The following RRAGB variants were observed in gnomAD, a reference collection of about 807,000 sequenced individuals.
RRAGB encodes the protein Ras related GTP binding B, also known as ras-related GTP-binding protein B.
A neutral mutation model predicts 29.3 loss-of-function variants in RRAGB; 6 were observed. That is an observed-to-expected ratio of 0.21 (90% CI 0.11 to 0.40). RRAGB has a LOEUF of 0.40. Ranked by LOEUF, RRAGB falls within the 10% of genes least tolerant of loss-of-function variation. RRAGB has a pLI of 1.00. For synonymous variants in RRAGB, 101 were observed against 92.5 expected (o/e 1.09, Z -0.53); for missense variants, 184 against 272.9 (o/e 0.67, Z 2.29).
intron 7 of RRAGB, chrX:55,755,237 C>T: frequency 2.7e-6 from 2 of 750,410 alleles, no homozygotes; most frequent in Non-Finnish European, 3.1e-6. Context: ...TCCTACTAGA[C>T]ACTCTGCATC....
chrX:55,748,347 A>G (rs79389083), intron 5 of RRAGB, among the ~76,000 whole-genome samples: 55,474 of 105,795 alleles, frequency 0.52, 12,860 homozygotes, highest in East Asian at 0.74. Flanking sequence ...GGATGTGAGG[A>G]GCCCCTCTGC....
chrX:55,738,191 C>T (rs755274988), intron 5 of RRAGB, among the ~76,000 whole-genome samples: 8 of 112,703 alleles, frequency 7.1e-5, no homozygotes, highest in African/African-American at 1.6e-4. Flanking sequence ...CAGCACTCTC[C>T]GCTTAACATT....
At chrX:55,754,547 T>C (rs771146737) in intron 7 of RRAGB, among the ~76,000 whole-genome samples, 62 of 112,332 alleles carry the variant, frequency 5.5e-4, no homozygotes, top group Non-Finnish European at 1.0e-3. Context: ...ATTCTTAATC[T>C]CTAGGGGCTT....
chrX:55,753,448 C>T lies in RRAGB; in HGVS notation c.669C>T (p.Asn223=). The T allele has an allele frequency of 8.3e-7, 1 of 1,202,363 alleles. No homozygotes were observed. ...LIPNVQQLEM[N]LRNFAEIIEA... ...CCAATGTTCAGCAGCTGGAAATGAA[C>T]CTAAGGAATTTTGCTGAAATTATCG... Residue 223 remains asparagine, a synonymous_variant, in exon 7 of 10, where the codon AAC becomes AAT. Transcript: ENST00000374941.
chrX:55,728,364 C>T lies in RRAGB; in HGVS notation c.227-930C>T, dbSNP rs187920674. On this transcript the variant is annotated intron_variant, in intron 3 of 9. Coordinates refer to ENST00000374941, the MANE Select transcript of RRAGB (RefSeq NM_006064.5). The stretch of plus-strand genomic sequence containing the variant: ...ATATGTGGCCAACTTTGCTCATGTA[C>T]GGTTACTGGCCTGGCCCCTGTTAGC... 5.7e-3 allele frequency among the ~76,000 whole-genome samples: 638 copies of T among 111,472 alleles called. 2 individuals carry two copies. The highest frequency in any genetic ancestry group is 0.018 in the Middle Eastern group (4 of 218).
At chrX:55,723,071 A>C (rs2033343851) in intron 3 of RRAGB, among the ~76,000 whole-genome samples, 1 of 111,541 alleles carries the variant, frequency 9.0e-6, no homozygotes, top group South Asian at 3.7e-4. Context: ...AGGAAACCTC[A>C]TTTCTGTTAT....
intron 7 of RRAGB, among the ~76,000 whole-genome samples, chrX:55,754,235 G>GA (rs891850934): frequency 1.6e-4 from 18 of 112,603 alleles, no homozygotes; most frequent in African/African-American, 4.2e-4. Context: ...TCATCTCAGT[G>GA]ACATAGGAGT....
At chrX:55,752,140 C>A in intron 6 of RRAGB, 1 of 558,616 alleles carries the variant, frequency 1.8e-6, no homozygotes, top group Non-Finnish European at 2.2e-6. Context: ...TTATGTTGAC[C>A]CAGCCTCACT....
At chrX:55,721,509 C>T (rs186421332) in intron 2 of RRAGB, among the ~76,000 whole-genome samples, 153 of 111,439 alleles carry the variant, frequency 1.4e-3, no homozygotes, top group African/African-American at 4.9e-3. Flanking sequence ...ACCTCCCAGA[C>T]GGCTGGGAAC....
Position 55,758,459 on chromosome X carries a change from C to G in RRAGB, c.*116C>G. Reference sequence around the variant, plus strand: ...ATTGCTTCTGTATTTCTTCTCTACTCCCTAGTCTTAATGTTTAACCTTGAA... The same window carrying G: ...ATTGCTTCTGTATTTCTTCTCTACTGCCTAGTCTTAATGTTTAACCTTGAA... On this transcript the variant is annotated 3_prime_UTR_variant, in exon 10 of 10. Transcript: ENST00000374941. The G allele has an allele frequency of 2.3e-6, 1 of 442,209 alleles. No individual in the cohort carries two copies. Among genetic ancestry groups the G allele is most frequent in the East Asian group, 4.0e-5 (1 of 25,074 alleles). The allele number at this position is 442,209 out of a possible 1,213,427, so 36.4% of individuals were successfully genotyped here.
At position 55,757,323 on chromosome X, in the gene RRAGB, C is replaced by T; in HGVS notation, c.935C>T (p.Pro312Leu). The change falls in exon 9 of 10, where the codon CCG (proline) becomes CTG (leucine). Residue 312 changes from proline (P) to leucine (L), a missense_variant. Pro to Leu is a moderately conservative substitution (Grantham distance 98, BLOSUM62 -3). Transcript: ENST00000374941. ...NTYVMVVMSDPSIPSAATLIN... is the reference protein window; with the variant it reads ...NTYVMVVMSDLSIPSAATLIN... ...TATGTGATGGTTGTGATGTCTGATC[C>T]GTCCATTCGTAAGTTTAAACTTAGC... 12 of 1,133,477 alleles carry T rather than the reference C, an allele frequency of 1.1e-5. No homozygotes were observed. Among genetic ancestry groups the T allele is most frequent in the Non-Finnish European group, 1.4e-5 (12 of 833,868 alleles). The allele number at this position is 1,133,477 out of a possible 1,213,427, so 93.4% of individuals were successfully genotyped here. A position where few individuals can be genotyped will look rare whatever the true frequency, so the allele number is the denominator to read the frequency against.
chrX:55,758,423 T>A lies in RRAGB; in HGVS notation c.*80T>A, dbSNP rs1644731834. The A allele has an allele frequency of 1.5e-5, 9 of 584,977 alleles. No homozygotes were observed. Among genetic ancestry groups the A allele is most frequent in the Non-Finnish European group, 2.1e-5 (8 of 377,370 alleles). 48.2% of individuals were successfully genotyped at this position (584,977 alleles called of 1,213,427 possible). ...ATTCATATATGTAGGCTCTGAAATG[T>A]TGTGATGCTTATTGCTTCTGTATTT... is the stretch of plus-strand genomic sequence containing the variant. On this transcript the variant is annotated 3_prime_UTR_variant, in exon 10 of 10. Coordinates refer to ENST00000374941, the MANE Select transcript of RRAGB (RefSeq NM_006064.5).
chrX:55,737,796 T>C (rs769014541), intron 5 of RRAGB, among the ~76,000 whole-genome samples: 3 of 112,594 alleles, frequency 2.7e-5, no homozygotes, highest in Non-Finnish European at 5.6e-5. Flanking sequence ...GTGCAAGGCA[T>C]CCAGTGATGT....
intron 5 of RRAGB, among the ~76,000 whole-genome samples, chrX:55,749,369 G>A (rs1338339937): frequency 1.0e-5 from 1 of 96,926 alleles, no homozygotes; most frequent in African/African-American, 3.8e-5. Flanking sequence ...AGGTGGGGGG[G>A]TCAGCCCCCG....
chrX:55,719,181 C>T, intron 1 of RRAGB, 133 bp from the exon 2 acceptor site: 1 of 507,835 alleles, frequency 2.0e-6, no homozygotes, highest in South Asian at 3.6e-5. Context: ...CATCTGAGGT[C>T]CCACACACAC....
chrX:55,731,404 GACA>G lies in RRAGB; in HGVS notation c.338_340del (p.Asn113del), dbSNP rs1275513073. On this transcript the variant is annotated inframe_deletion, in exon 5 of 10. Coordinates refer to ENST00000374941, the MANE Select transcript of RRAGB (RefSeq NM_006064.5). ...GGAAAATTATTTCACTAGCCAACGG[GACA>G]ACATCTTCCGAAATGTGGAGGTTCT... 2 of 1,210,639 alleles carry G rather than the reference GACA, an allele frequency of 1.7e-6. No individual in the cohort carries two copies.
intron 2 of RRAGB, among the ~76,000 whole-genome samples, chrX:55,721,870 C>T (rs1003031246): frequency 1.1e-4 from 12 of 112,230 alleles, no homozygotes; most frequent in Admixed American, 4.7e-4. Flanking sequence ...GGTTTAGTTT[C>T]CTCTAAACTT....
chrX:55,722,028 G>A (rs2033298937), intron 2 of RRAGB, among the ~76,000 whole-genome samples, 158 bp from the exon 3 acceptor site: 1 of 112,543 alleles, frequency 8.9e-6, no homozygotes, highest in African/African-American at 3.2e-5. Flanking sequence ...TTCACCCTTC[G>A]TTGGGAAGAG....
At chrX:55,721,151 G>C (rs892905170) in intron 2 of RRAGB, among the ~76,000 whole-genome samples, 18 of 111,385 alleles carry the variant, frequency 1.6e-4, no homozygotes, top group African/African-American at 5.6e-4. Context: ...TAACTTGCTT[G>C]TTCTTTTGAT....
Sources: gnomAD v4.1 joint callset for allele counts (sites outside exome capture counted in the v4.1 genomes callset) on GRCh38, gnomAD v4.1.1 for gene constraint, MANE v1.5 for transcripts, NCBI Gene and HGNC (gene_info 2026-07-23, HGNC 2026-07-21) for gene names.